SCN10A: variants seen among roughly 807,000 people sequenced by gnomAD.
SCN10A encodes the protein sodium voltage-gated channel alpha subunit 10, also known as sodium channel protein type 10 subunit alpha.
A neutral mutation model predicts 170.7 loss-of-function variants in SCN10A; 162 were observed. That is an observed-to-expected ratio of 0.95 (90% CI 0.84 to 1.08). SCN10A has a LOEUF of 1.08. SCN10A is among the 50% of genes least tolerant of loss of function. SCN10A has a pLI of 0.00. For synonymous variants in SCN10A, 985 were observed against 904.6 expected (o/e 1.09, Z -1.59); for missense variants, 2,527 against 2,436.9 (o/e 1.04, Z -0.78).
rs1575916420 is a variant in SCN10A at position 38,698,094 on chromosome 3, G to C, written c.5126C>G (p.Ser1709Cys). ...IIFFTTYIII[S>C]FLIMVNMYIA... Reference sequence around the variant, plus strand: ...GTACATGTTGACCATGATGAGGAAGGAGATGATGATGTAGGTGGTGAAGAA... The same window carrying C: ...GTACATGTTGACCATGATGAGGAAGCAGATGATGATGTAGGTGGTGAAGAA... The change falls in exon 28 of 28, where the codon TCC (serine) becomes TGC (cysteine). Residue 1709 changes from serine to cysteine, a missense_variant. Ser to Cys is a moderately radical substitution (Grantham distance 112, BLOSUM62 -1). Transcript: ENST00000449082. 6.2e-7 allele frequency: 1 copy of C among 1,614,144 alleles called. No homozygotes were observed. The highest frequency in any genetic ancestry group is 8.5e-7 in the Non-Finnish European group (1 of 1,179,996).
chr3:38,712,416 G>A lies in SCN10A; in HGVS notation c.3834C>T (p.Ile1278=), dbSNP rs2125990027. Residue 1278 remains isoleucine, a synonymous_variant, in exon 23 of 28, where the codon ATC becomes ATT. Coordinates refer to ENST00000449082, the MANE Select transcript of SCN10A (RefSeq NM_006514.4). ...CGAGGAGGACATTCATGATGGATGG[G>A]ATGGCGCCCACCAGGGCATCCACCA... ...RVVVDALVGA[I]PSIMNVLLVC... is the part of the protein sequence containing the mutation. 6.2e-7 allele frequency: 1 copy of A among 1,613,928 alleles called. No homozygotes were observed. Among genetic ancestry groups the A allele is most frequent in the Non-Finnish European group, 8.5e-7 (1 of 1,179,880 alleles).
At chr3:38,770,294 T>C (rs1159663709) in intron 5 of SCN10A, among the ~76,000 whole-genome samples, 1 of 152,158 alleles carries the variant, frequency 6.6e-6, no homozygotes, top group East Asian at 1.9e-4. Flanking sequence ...TCTTAGGTGA[T>C]GAGCAGGGCC....
chr3:38,714,986 C>T (rs1286200457), intron 21 of SCN10A, among the ~76,000 whole-genome samples: 3 of 152,170 alleles, frequency 2.0e-5, no homozygotes, highest in Non-Finnish European at 4.4e-5. Context: ...ACAGGAGCTT[C>T]AGAAAAGAAG....
Position 38,712,340 on chromosome 3 carries a change from C to A in SCN10A, c.3910G>T (p.Ala1304Ser), listed in dbSNP as rs142173735. 1.7e-5 allele frequency: 28 copies of A among 1,614,052 alleles called. No homozygotes were observed. In the African/African-American group the frequency reaches 1.9e-4, roughly 11 times the overall value. The change falls in exon 23 of 28, where the codon GCA becomes TCA. Residue 1304 changes from alanine to serine, a missense_variant. Ala to Ser is a moderately conservative substitution (Grantham distance 99). Coordinates refer to ENST00000449082, the MANE Select transcript of SCN10A (RefSeq NM_006514.4). ...IFSIMGVNLF[A>S]GKFWRCINYT... is the part of the protein sequence containing the mutation. Reference sequence around the variant, plus strand: ...TTGATGCACCTCCAAAACTTCCCTGCGAAGAGGTTCACACCCATGATGCTG... The same window carrying A: ...TTGATGCACCTCCAAAACTTCCCTGAGAAGAGGTTCACACCCATGATGCTG...
intron 23 of SCN10A, among the ~76,000 whole-genome samples, chr3:38,711,396 C>T (rs1457797755): frequency 6.6e-6 from 1 of 152,222 alleles, no homozygotes; most frequent in East Asian, 1.9e-4. Context: ...ATGTTCAGAG[C>T]ATGCAAGACA....
chr3:38,804,081 CT>C (rs1037835179), intron 1 of SCN10A, among the ~76,000 whole-genome samples: 15 of 152,158 alleles, frequency 9.9e-5, no homozygotes, highest in African/African-American at 3.4e-4. Flanking sequence ...CAGAATGGCA[CT>C]TTTGAAATAT....
At chr3:38,796,027 C>T (rs774499788) in intron 1 of SCN10A, among the ~76,000 whole-genome samples, 1 of 152,138 alleles carries the variant, frequency 6.6e-6, no homozygotes, top group Non-Finnish European at 1.5e-5. Context: ...CATTTATATG[C>T]AGATGACTGA....
intron 15 of SCN10A, among the ~76,000 whole-genome samples, chr3:38,734,227 G>C (rs2063537993): frequency 6.6e-6 from 1 of 152,036 alleles, no homozygotes; most frequent in South Asian, 2.1e-4. Flanking sequence ...TTCTCCTGTT[G>C]GCCAGGCTGG....
At chr3:38,755,160 A>C (rs568929429) in intron 11 of SCN10A, among the ~76,000 whole-genome samples, 19 of 152,212 alleles carry the variant, frequency 1.2e-4, no homozygotes, top group African/African-American at 4.6e-4. Context: ...TTCTGATAAC[A>C]ACAGGTGACA....
At chr3:38,718,076 G>GC (rs1559419590) in intron 21 of SCN10A, among the ~76,000 whole-genome samples, 3 of 152,330 alleles carry the variant, frequency 2.0e-5, no homozygotes, top group Non-Finnish European at 4.4e-5. Context: ...GGAGGAGGCA[G>GC]CAGTATAAGC....
intron 1 of SCN10A, among the ~76,000 whole-genome samples, chr3:38,815,106 G>C (rs918197481): frequency 1.3e-5 from 2 of 151,990 alleles, no homozygotes; most frequent in Admixed American, 1.3e-4. Context: ...AGAGCTATGG[G>C]GGAAAAAAAG....
At chr3:38,698,655 G>T in intron 27 of SCN10A, 93 bp from the exon 28 acceptor site, 2 of 1,239,812 alleles carry the variant, frequency 1.6e-6, no homozygotes, top group South Asian at 2.7e-5. Flanking sequence ...GCTTGGTATA[G>T]ACTGCCACTT....
chr3:38,742,749 A>T (rs1201857893), intron 13 of SCN10A, among the ~76,000 whole-genome samples: 1 of 152,198 alleles, frequency 6.6e-6, no homozygotes, highest in Non-Finnish European at 1.5e-5. Flanking sequence ...TAAACTGCTG[A>T]CATTACATAT....
chr3:38,814,996 A>G (rs963091825), intron 1 of SCN10A, among the ~76,000 whole-genome samples: 1 of 152,240 alleles, frequency 6.6e-6, no homozygotes, highest in Non-Finnish European at 1.5e-5. Context: ...ACTACGTTTT[A>G]AAATCATAGC....
chr3:38,800,198 C>G (rs1318952493), intron 1 of SCN10A, among the ~76,000 whole-genome samples: 3 of 152,134 alleles, frequency 2.0e-5, no homozygotes, highest in Non-Finnish European at 4.4e-5. Flanking sequence ...CTGCAGTAAC[C>G]ACTGGCTTTG....
rs764154554 is a variant in SCN10A, at chr3:38,728,847, T to A, written c.2335A>T (p.Ile779Phe). The A allele has an allele frequency of 1.2e-6, 2 of 1,614,154 alleles. No individual in the cohort carries two copies. The highest frequency in any genetic ancestry group is 2.2e-5 in the South Asian group (2 of 91,080). The change falls in exon 16 of 28, where the codon ATC (isoleucine) becomes TTC (phenylalanine). Residue 779 changes from isoleucine to phenylalanine, a missense_variant. Ile to Phe is a conservative substitution (Grantham distance 21). Transcript: ENST00000449082. ...SWPTLNTLIK[I>F]IGNSVGALGN... ...AGTGCCCCCACTGAGTTTCCGATGA[T>A]CTTGATGAGTGTGTTTAAGGTGGGC...
Position 38,727,050 on chromosome 3 carries a change from C to T in SCN10A, c.2643G>A (p.Val881=), listed in dbSNP as rs1053471580. The T allele has an allele frequency of 3.7e-6, 6 of 1,600,430 alleles. No homozygotes were observed. The highest frequency in any genetic ancestry group is 1.7e-5 in the Admixed American group (1 of 59,816). ...LTVMVLGNLV[V]LNLFIALLLN... The stretch of plus-strand genomic sequence containing the variant: ...ATAGCAGGGCGATGAACAGGTTAAG[C>T]ACCTGAAGAGAAGGAATGGAAGGGA... The change falls in exon 17 of 28, where the codon GTG becomes GTA. Residue 881 remains valine, a splice_region_variant and synonymous_variant. Transcript: ENST00000449082.
At chr3:38,736,829 T>C (rs2063565864) in intron 15 of SCN10A, among the ~76,000 whole-genome samples, 1 of 151,942 alleles carries the variant, frequency 6.6e-6, no homozygotes, top group Admixed American at 6.5e-5. Context: ...TGCAGAATCC[T>C]GTAGGGGCAG....
chr3:38,810,349 GC>G (rs2126066681), intron 1 of SCN10A, among the ~76,000 whole-genome samples: 1 of 152,304 alleles, frequency 6.6e-6, no homozygotes, highest in African/African-American at 2.4e-5. Context: ...TTCCAGGGAA[GC>G]AAAGGATACG....
Sources: gnomAD v4.1 joint callset for allele counts (sites outside exome capture counted in the v4.1 genomes callset) on GRCh38, gnomAD v4.1.1 for gene constraint, MANE v1.5 for transcripts, NCBI Gene and HGNC (gene_info 2026-07-23, HGNC 2026-07-21) for gene names.